The following HHLA2 variants were observed in gnomAD, a reference collection of about 807,000 sequenced individuals.
The protein encoded by HHLA2 is HHLA2 member of B7 family.
HHLA2 carries 48 observed loss-of-function variants against 45.9 expected under a neutral mutation model. The observed-to-expected ratio is 1.05, with a 90% CI of 0.83 to 1.33. HHLA2 has a LOEUF of 1.33. Ranked by LOEUF, HHLA2 falls within the 40% of genes most tolerant of loss-of-function variation. HHLA2 has a pLI of 0.00. For missense variants in HHLA2, 462 were observed against 494.3 expected (o/e 0.93, Z 0.62); for synonymous variants, 161 against 173.9 (o/e 0.93, Z 0.59).
intron 2 of HHLA2, among the ~76,000 whole-genome samples, chr3:108,311,579 T>C (rs2081018887): frequency 2.0e-5 from 3 of 152,152 alleles, no homozygotes; most frequent in Admixed American, 2.0e-4. Flanking sequence ...TAGAAAAAGC[T>C]TATCCCTTTT....
intron 2 of HHLA2, among the ~76,000 whole-genome samples, chr3:108,314,555 C>T (rs1254369023): frequency 6.6e-6 from 1 of 152,062 alleles, no homozygotes; most frequent in African/African-American, 2.4e-5. Flanking sequence ...CTGGGCCTGG[C>T]CACACCATGG....
chr3:108,308,799 G>C (rs567507543), intron 1 of HHLA2, among the ~76,000 whole-genome samples: 5 of 152,194 alleles, frequency 3.3e-5, no homozygotes, highest in African/African-American at 1.2e-4. Context: ...TTTGCCATTT[G>C]TACATCTTCT....
At chr3:108,304,591 T>C (rs1226478648) in intron 1 of HHLA2, among the ~76,000 whole-genome samples, 1 of 152,216 alleles carries the variant, frequency 6.6e-6, no homozygotes, top group African/African-American at 2.4e-5. Context: ...TCTGAGGTTC[T>C]AGGTGGATGT....
chr3:108,327,991 G>A (rs1439629608), intron 2 of HHLA2, among the ~76,000 whole-genome samples: 1 of 152,068 alleles, frequency 6.6e-6, no homozygotes, highest in Admixed American at 6.5e-5. Flanking sequence ...AAATTAGCAG[G>A]GTCTGGTGAT....
chr3:108,357,952 G>C, exon 7 of HHLA2: 1 of 1,613,912 alleles, frequency 6.2e-7, no homozygotes, highest in Non-Finnish European at 8.5e-7. Context: ...AGAATGAAAA[G>C]TGGGACTTTC....
chr3:108,375,863 C>T (rs968030111), intron 9 of HHLA2, 63 bp downstream of exon 8: 12 of 1,579,356 alleles, frequency 7.6e-6, no homozygotes, highest in Admixed American at 3.6e-5. Flanking sequence ...CAAAAGATAT[C>T]GGCAAAAACT....
At chr3:108,375,670 G>A in intron 8 of HHLA2, 80 bp from the exon 8 acceptor site, 1 of 1,528,278 alleles carries the variant, frequency 6.5e-7, no homozygotes, top group Non-Finnish European at 8.9e-7. Flanking sequence ...GAAGGACAGA[G>A]CCATACCAAG....
chr3:108,300,378 GAGTCAAAGATTC>G (rs756173919), intron 1 of HHLA2, among the ~76,000 whole-genome samples: 4 of 152,152 alleles, frequency 2.6e-5, no homozygotes, highest in Non-Finnish European at 5.9e-5. Context: ...AGGAGTTGAT[GAGTCAAAGATTC>G]AGGTGCAAGT....
chr3:108,367,870 C>T (rs1258676769), intron 8 of HHLA2, among the ~76,000 whole-genome samples: 2 of 152,102 alleles, frequency 1.3e-5, no homozygotes, highest in South Asian at 2.1e-4. Context: ...CACTAAAATA[C>T]TCCTTGAGAA....
At chr3:108,369,715 C>A (rs1354447486) in intron 8 of HHLA2, among the ~76,000 whole-genome samples, 5 of 152,164 alleles carry the variant, frequency 3.3e-5, no homozygotes, top group African/African-American at 1.2e-4. Context: ...TCGCTCATTG[C>A]TAGCACAGCA....
intron 3 of HHLA2, among the ~76,000 whole-genome samples, chr3:108,347,759 G>A (rs2107442312): frequency 6.6e-6 from 1 of 152,232 alleles, no homozygotes; most frequent in Admixed American, 6.5e-5. Context: ...GCAAATAATG[G>A]AGTTTATCTA....
chr3:108,338,503 A>C (rs2081512866), intron 3 of HHLA2, among the ~76,000 whole-genome samples: 1 of 152,176 alleles, frequency 6.6e-6, no homozygotes, highest in South Asian at 2.1e-4. Context: ...ACTGTTTACC[A>C]TCAAGCACTC....
chr3:108,341,082 A>C (rs1194748880), intron 3 of HHLA2, among the ~76,000 whole-genome samples: 4 of 151,868 alleles, frequency 2.6e-5, no homozygotes, highest in Admixed American at 2.6e-4. Context: ...GCTCCTGAGT[A>C]GCTGAGATTA....
chr3:108,334,381 G>T (rs906659779), intron 3 of HHLA2, among the ~76,000 whole-genome samples: 4 of 152,122 alleles, frequency 2.6e-5, no homozygotes, highest in African/African-American at 7.2e-5. Context: ...AAACTAGATG[G>T]GAATAAGGTA....
chr3:108,368,830 A>C (rs2082114096), intron 8 of HHLA2, among the ~76,000 whole-genome samples: 1 of 152,146 alleles, frequency 6.6e-6, no homozygotes. Flanking sequence ...GAGACAGAAA[A>C]TTAACAAGGA....
intron 1 of HHLA2, among the ~76,000 whole-genome samples, chr3:108,303,537 A>G (rs1411390712): frequency 1.3e-5 from 2 of 152,138 alleles, no homozygotes; most frequent in Non-Finnish European, 2.9e-5. Flanking sequence ...TTTGTTGTGT[A>G]CATATGCTGG....
At chr3:108,325,099 G>A (rs1468914922) in intron 2 of HHLA2, among the ~76,000 whole-genome samples, 1 of 151,734 alleles carries the variant, frequency 6.6e-6, no homozygotes, top group East Asian at 1.9e-4. Context: ...ATGTCAGTGT[G>A]TTTTATTTAT....
intron 8 of HHLA2, among the ~76,000 whole-genome samples, chr3:108,368,356 C>T (rs934632405): frequency 1.3e-5 from 2 of 151,596 alleles, no homozygotes; most frequent in African/African-American, 4.9e-5. Flanking sequence ...TCACACTTAA[C>T]AATATTAACT....
chr3:108,326,847 T>C (rs1260124227), intron 2 of HHLA2: 1 of 152,318 alleles, frequency 6.6e-6, no homozygotes, highest in Admixed American at 6.5e-5. Context: ...TTAATGATGC[T>C]TCTGCAGCAG....
Sources: allele counts gnomAD v4.1 joint callset (sites outside exome capture counted in the v4.1 genomes callset), GRCh38; gene constraint gnomAD v4.1.1; transcripts MANE v1.5; gene names NCBI Gene and HGNC (gene_info 2026-07-23, HGNC 2026-07-21).